Variants in OLA1 observed in about 807,000 individuals in gnomAD.
OLA1 encodes the protein obg-like ATPase 1.
OLA1 carries 14 observed loss-of-function variants against 48.4 expected under a neutral mutation model. That is an observed-to-expected ratio of 0.29 (90% CI 0.19 to 0.45). The LOEUF (loss-of-function observed/expected upper bound fraction) is 0.45, where lower values mean the gene tolerates loss of function less well. Among genes scored for constraint, OLA1 ranks in the 20% least tolerant of loss-of-function variants. OLA1 has a pLI of 1.00. For synonymous variants in OLA1, 127 were observed against 150.4 expected, an observed-to-expected ratio of 0.84 and a Z score of 1.14; for missense variants, 325 against 467.1, an observed-to-expected ratio of 0.70 and a Z score of 2.80.
At chr2:174,113,204 C>A (rs1199665846) in intron 7 of OLA1, among the ~76,000 whole-genome samples, 1 of 152,160 alleles carries the variant, frequency 6.6e-6, no homozygotes, top group Non-Finnish European at 1.5e-5. Flanking sequence ...CTCAACCTCC[C>A]AAAGTGCTGG....
At chr2:174,130,655 AGGAAGGGTCT>A (rs1423108311) in intron 5 of OLA1, among the ~76,000 whole-genome samples, 9 of 152,176 alleles carry the variant, frequency 5.9e-5, no homozygotes, top group African/African-American at 1.9e-4. Context: ...ACCATGTTTG[AGGAAGGGTCT>A]GGAAGTTGTG....
In OLA1 at chr2:174,081,079, CAA is replaced by C. The variant is rs1684842848; in HGVS notation, c.966+71_966+72del. The C allele has an allele frequency of 6.9e-6, 9 of 1,302,102 alleles. No homozygotes were observed. In the Admixed American group the frequency reaches 1.6e-4, roughly 23 times the overall value. The allele number at this position is 1,302,102 out of a possible 1,614,324, so 80.7% of individuals were successfully genotyped here. Reference sequence around the variant, plus strand: ...AGCTAACCGCCACCATGACAAACTTCAAAGTCAGTGATATCAATCTGAATTCA... The same window carrying C: ...AGCTAACCGCCACCATGACAAACTTCAGTCAGTGATATCAATCTGAATTCA... On this transcript the variant is annotated intron_variant, in intron 9 of 10. Transcript: ENST00000284719.
At chr2:174,215,361 T>A (rs1385299609) in intron 4 of OLA1, among the ~76,000 whole-genome samples, 2 of 152,208 alleles carry the variant, frequency 1.3e-5, no homozygotes, top group African/African-American at 4.8e-5. Flanking sequence ...ATGCTTTACA[T>A]AACAAATTTA....
At chr2:174,157,249 G>C (rs1461701504) in intron 4 of OLA1, among the ~76,000 whole-genome samples, 2 of 152,098 alleles carry the variant, frequency 1.3e-5, no homozygotes, top group African/African-American at 4.8e-5. Flanking sequence ...TCTGAGATAA[G>C]AAAAAGCGGA....
chr2:174,223,011 TTAAA>T lies in OLA1; in HGVS notation c.373+18_373+21del, dbSNP rs771442189. 1.2e-5 allele frequency: 19 copies of T among 1,586,634 alleles called. No individual in the cohort carries two copies. The highest frequency in any genetic ancestry group is 3.6e-5 in the Admixed American group (2 of 54,870). Reference sequence around the variant, plus strand: ...ACACTGATCTGAATGAAATCAATGATTAAATAAACAACTGTACTTACGTGTTAGA... The same window carrying T: ...ACACTGATCTGAATGAAATCAATGATTAAACAACTGTACTTACGTGTTAGA... On this transcript the variant is annotated intron_variant, in intron 4 of 10. Coordinates refer to ENST00000284719, the MANE Select transcript of OLA1 (RefSeq NM_013341.5).
chr2:174,099,951 A>G (rs1685353569), intron 7 of OLA1, among the ~76,000 whole-genome samples: 2 of 152,244 alleles, frequency 1.3e-5, no homozygotes. Flanking sequence ...ATAAAATGAA[A>G]ACAATATATC....
At chr2:174,179,062 T>C (rs184046577) in intron 4 of OLA1, among the ~76,000 whole-genome samples, 113 of 152,014 alleles carry the variant, frequency 7.4e-4, no homozygotes, top group Admixed American at 1.6e-3. Flanking sequence ...AAAGAGCAAA[T>C]GCGAGTAGAG....
chr2:174,208,064 T>TA (rs753560916), intron 4 of OLA1, among the ~76,000 whole-genome samples: 2 of 152,168 alleles, frequency 1.3e-5, no homozygotes, highest in Non-Finnish European at 2.9e-5. Flanking sequence ...TTAAGGCTCA[T>TA]AAATACAGTT....
At chr2:174,128,170 C>A (rs1326700385) in intron 5 of OLA1, among the ~76,000 whole-genome samples, 1 of 151,438 alleles carries the variant, frequency 6.6e-6, no homozygotes, top group South Asian at 2.1e-4. Context: ...AGGCAGGAGG[C>A]TGGCTTGAGG....
chr2:174,180,178 AT>A lies in OLA1; in HGVS notation c.374-38179del, dbSNP rs754593052. On this transcript the variant is annotated intron_variant, in intron 4 of 10. Transcript: ENST00000284719. The stretch of plus-strand genomic sequence containing the variant: ...ATTTTTCTCAATGAAGGTTAAAAAA[AT>A]CTAAAGATTCCATAATAAAATATAG... Among the ~76,000 whole-genome samples, 111 of 152,322 alleles carry A rather than the reference AT, an allele frequency of 7.3e-4. 1 individual carries two copies. Among genetic ancestry groups the A allele is most frequent in the Admixed American group, 2.6e-4 (4 of 15,298 alleles).
intron 4 of OLA1, among the ~76,000 whole-genome samples, chr2:174,161,026 T>C (rs997121869): frequency 5.3e-5 from 8 of 152,212 alleles, no homozygotes; most frequent in African/African-American, 1.9e-4. Context: ...TTGGTAATGG[T>C]GGAAAGATTA....
chr2:174,233,785 C>T (rs1226306729), intron 2 of OLA1, among the ~76,000 whole-genome samples: 1 of 152,056 alleles, frequency 6.6e-6, no homozygotes, highest in African/African-American at 2.4e-5. Context: ...CTTTGAAGGT[C>T]AGGAAAAATA....
In OLA1 at chr2:174,101,910, G is replaced by C. The variant is rs910410213; in HGVS notation, c.729-19846C>G. On this transcript the variant is annotated intron_variant, in intron 7 of 10. Transcript: ENST00000284719. Reference sequence around the variant, plus strand: ...CCCAAGCCTAAATGACTCACAGGGTGCCAATACTAACAAAGACAGGAAAGT... The same window carrying C: ...CCCAAGCCTAAATGACTCACAGGGTCCCAATACTAACAAAGACAGGAAAGT... Among the ~76,000 whole-genome samples, 6 of 152,250 alleles carry C rather than the reference G, an allele frequency of 3.9e-5. No homozygotes were observed. The South Asian group carries it at 1.2e-3, about 32-fold the overall frequency.
chr2:174,227,968 G>A lies in OLA1; in HGVS notation c.245+1340C>T, dbSNP rs537886667. Among the ~76,000 whole-genome samples the A allele has an allele frequency of 8.5e-5, 13 of 152,320 alleles. No individual in the cohort carries two copies. The South Asian group carries it at 2.7e-3, about 32-fold the overall frequency. ...GATAAGACTGGATACGGGGTGAGGG[G>A]AGAGAAGAATCAAAGATAAATGGTG... On this transcript the variant is annotated intron_variant, in intron 3 of 10. Transcript: ENST00000284719.
At chr2:174,224,964 CAT>C (rs1213733942) in intron 3 of OLA1, among the ~76,000 whole-genome samples, 1 of 152,180 alleles carries the variant, frequency 6.6e-6, no homozygotes. Flanking sequence ...TAAAACCACT[CAT>C]ATGATAAATA....
intron 7 of OLA1, among the ~76,000 whole-genome samples, chr2:174,109,776 T>C (rs1170939757): frequency 1.3e-5 from 2 of 152,206 alleles, no homozygotes; most frequent in African/African-American, 4.8e-5. Context: ...AAAAGCATTA[T>C]CACCCATTTT....
chr2:174,153,937 A>G (rs183390841), intron 4 of OLA1, among the ~76,000 whole-genome samples: 4 of 152,048 alleles, frequency 2.6e-5, no homozygotes, highest in Admixed American at 2.6e-4. Context: ...CACAATCACG[A>G]CTCATTGCAG....
chr2:174,138,843 G>C (rs973736486), intron 5 of OLA1, among the ~76,000 whole-genome samples: 8 of 152,024 alleles, frequency 5.3e-5, no homozygotes, highest in African/African-American at 1.4e-4. Context: ...ATATTACTGA[G>C]GACATTAATT....
At chr2:174,140,593 C>T (rs947030135) in intron 5 of OLA1, among the ~76,000 whole-genome samples, 1 of 152,066 alleles carries the variant, frequency 6.6e-6, no homozygotes, top group Non-Finnish European at 1.5e-5. Flanking sequence ...GTCTCAATCT[C>T]CTGATCTCAG....
Sources: allele counts gnomAD v4.1 joint callset (sites outside exome capture counted in the v4.1 genomes callset), GRCh38; gene constraint gnomAD v4.1.1; transcripts MANE v1.5; gene names NCBI Gene and HGNC (gene_info 2026-07-23, HGNC 2026-07-21).